Variants in GPM6A observed in about 807,000 individuals in gnomAD.
GPM6A encodes glycoprotein M6A, also known as neuronal membrane glycoprotein M6-a.
In GPM6A, 7 loss-of-function variants were observed where a neutral mutation model predicts 32.1. The ratio of observed to expected loss-of-function variants is 0.22; its 90% confidence interval spans 0.12 to 0.41. The LOEUF (loss-of-function observed/expected upper bound fraction) is 0.41, where lower values mean the gene tolerates loss of function less well. Among genes scored for constraint, GPM6A ranks in the 10% least tolerant of loss-of-function variants. GPM6A has a pLI of 1.00. For synonymous variants in GPM6A, 130 were observed against 123.4 expected (o/e 1.05, Z -0.35); for missense variants, 235 against 347.2 (o/e 0.68, Z 2.57).
At chr4:175,642,424 C>CTTTCA in intron 4 of GPM6A, among the ~76,000 whole-genome samples, 1 of 152,092 alleles carries the variant, frequency 6.6e-6, no homozygotes, top group Admixed American at 6.5e-5. Context: ...AATTCCTTTC[C>CTTTCA]TTTCATTTCT....
chr4:175,812,652 G>A, upstream of GPM6A: 12 of 988,096 alleles, frequency 1.2e-5, no homozygotes, highest in Non-Finnish European at 1.4e-5. Flanking sequence ...TGAAATCTGG[G>A]CTTTAAATTG....
intron 1 of GPM6A, among the ~76,000 whole-genome samples, chr4:175,762,473 T>A (rs28532221): frequency 6.6e-6 from 1 of 152,230 alleles, no homozygotes; most frequent in African/African-American, 2.4e-5. Context: ...ATATTTAGCA[T>A]CAGCTTGCTA....
intron 1 of GPM6A, among the ~76,000 whole-genome samples, chr4:175,864,312 G>A (rs1020773621): frequency 2.0e-5 from 3 of 152,116 alleles, no homozygotes; most frequent in African/African-American, 4.8e-5. Flanking sequence ...GACTACAGGA[G>A]CATGTCACCA....
chr4:175,941,988 T>G (rs1033073470), intron 1 of GPM6A, among the ~76,000 whole-genome samples: 1 of 152,186 alleles, frequency 6.6e-6, no homozygotes, highest in African/African-American at 2.4e-5. Flanking sequence ...TAATTTACAC[T>G]CCCAACAACA....
At chr4:175,972,980 C>T (rs138085239) in intron 1 of GPM6A, among the ~76,000 whole-genome samples, 118 of 152,194 alleles carry the variant, frequency 7.8e-4, no homozygotes, top group African/African-American at 2.5e-3. Flanking sequence ...GATCACATGA[C>T]GATCATCTAT....
intron 1 of GPM6A, among the ~76,000 whole-genome samples, chr4:175,743,040 A>T (rs1341674629): frequency 1.3e-5 from 2 of 152,106 alleles, no homozygotes; most frequent in African/African-American, 4.8e-5. Context: ...ATTTTGCAAG[A>T]ACAAGAGCAG....
chr4:175,837,197 A>C (rs1284892072), intron 1 of GPM6A, among the ~76,000 whole-genome samples: 1 of 152,120 alleles, frequency 6.6e-6, no homozygotes, highest in Admixed American at 6.6e-5. Flanking sequence ...GCCAGGAGCC[A>C]AGGAATACAG....
At chr4:175,946,791 T>C (rs1739622965) in intron 1 of GPM6A, among the ~76,000 whole-genome samples, 2 of 152,176 alleles carry the variant, frequency 1.3e-5, no homozygotes, top group South Asian at 4.1e-4. Flanking sequence ...GCTTGGATTT[T>C]TAAAATGCCT....
chr4:175,736,442 C>G (rs1401288763), intron 1 of GPM6A, among the ~76,000 whole-genome samples: 5 of 152,112 alleles, frequency 3.3e-5, no homozygotes. Context: ...CACCTCATTA[C>G]CAAGTTATTT....
chr4:175,652,879 T>C (rs1741885652), intron 3 of GPM6A, among the ~76,000 whole-genome samples: 1 of 152,160 alleles, frequency 6.6e-6, no homozygotes, highest in Non-Finnish European at 1.5e-5. Context: ...ATTTGGTTCT[T>C]CTGAATTTCA....
intron 1 of GPM6A, among the ~76,000 whole-genome samples, chr4:175,706,145 T>C (rs1745175462): frequency 1.3e-5 from 2 of 151,938 alleles, no homozygotes; most frequent in Non-Finnish European, 2.9e-5. Flanking sequence ...AAGTTATAGA[T>C]TGACTTGTAC....
At chr4:175,878,305 T>C (rs1400110128) in intron 1 of GPM6A, among the ~76,000 whole-genome samples, 5 of 152,190 alleles carry the variant, frequency 3.3e-5, no homozygotes, top group Admixed American at 2.6e-4. Flanking sequence ...GGAGACTCCA[T>C]GTCGGGGCTC....
rs534663264 is a variant in GPM6A, at chr4:175,642,198, A to G, written c.542-1369T>C. On this transcript the variant is annotated intron_variant, in intron 4 of 6. Coordinates refer to ENST00000393658, the MANE Select transcript of GPM6A (RefSeq NM_201591.3). Reference sequence around the variant, plus strand: ...TTTCCTTTCTGCCAAGATGGTTCTAAGAGTGGGTAAAAATTTAAAAGGGTT... The same window carrying G: ...TTTCCTTTCTGCCAAGATGGTTCTAGGAGTGGGTAAAAATTTAAAAGGGTT... The G allele has an allele frequency of 3.3e-5, 5 of 152,310 alleles. No homozygotes were observed. In the South Asian group the frequency reaches 8.3e-4, roughly 25 times the overall value. 9.4% of individuals were successfully genotyped at this position (152,310 alleles called of 1,614,324 possible). A position where few individuals can be genotyped will look rare whatever the true frequency, so the allele number is the denominator to read the frequency against.
At chr4:175,752,152 A>G (rs1732360797) in intron 1 of GPM6A, among the ~76,000 whole-genome samples, 1 of 152,124 alleles carries the variant, frequency 6.6e-6, no homozygotes, top group African/African-American at 2.4e-5. Flanking sequence ...ATTTTATATA[A>G]TTGTGGATCA....
chr4:175,753,903 C>A (rs1166752093), intron 1 of GPM6A, among the ~76,000 whole-genome samples: 1 of 152,084 alleles, frequency 6.6e-6, no homozygotes, highest in Non-Finnish European at 1.5e-5. Context: ...ATCTACTGTT[C>A]CCTTAGCAAT....
At chr4:175,982,614 C>A (rs544832456) in intron 1 of GPM6A, among the ~76,000 whole-genome samples, 1 of 152,202 alleles carries the variant, frequency 6.6e-6, no homozygotes, top group African/African-American at 2.4e-5. Flanking sequence ...ATATATCTAT[C>A]CTCTCACCAA....
chr4:175,768,166 A>G (rs1733049157), intron 1 of GPM6A, among the ~76,000 whole-genome samples: 1 of 152,208 alleles, frequency 6.6e-6, no homozygotes. Flanking sequence ...TAATTACAAC[A>G]TGATGATGCT....
At position 175,867,065 on chromosome 4, in the gene GPM6A, G is replaced by C. The variant is rs148008666; in HGVS notation, c.-22-54816C>G. Among the ~76,000 whole-genome samples, 61 of 152,248 alleles carry C rather than the reference G, an allele frequency of 4.0e-4. 1 individual carries two copies. In the East Asian group the frequency reaches 0.011, roughly 28 times the overall value. ...ATCTGCATACCTTATTTGATAAGGGGTCTGTTAAGGTCTTTGGCCTACTTT... is the reference window on the plus strand; with the variant it reads ...ATCTGCATACCTTATTTGATAAGGGCTCTGTTAAGGTCTTTGGCCTACTTT... On this transcript the variant is annotated intron_variant, in intron 1 of 7. Coordinates refer to the GPM6A transcript ENST00000280187.
At chr4:175,731,030 C>T (rs939176076) in intron 1 of GPM6A, among the ~76,000 whole-genome samples, 1 of 152,136 alleles carries the variant, frequency 6.6e-6, no homozygotes, top group African/African-American at 2.4e-5. Flanking sequence ...TCAAAGGGAA[C>T]TTAGTGGGTC....
Sources: gnomAD v4.1 joint callset for allele counts (sites outside exome capture counted in the v4.1 genomes callset) on GRCh38, gnomAD v4.1.1 for gene constraint, MANE v1.5 for transcripts, NCBI Gene and HGNC (gene_info 2026-07-23, HGNC 2026-07-21) for gene names.